The following TSPAN16 variants were observed in gnomAD, a reference collection of about 807,000 sequenced individuals.
TSPAN16 encodes tetraspanin-16.
Under a neutral mutation model 25.2 loss-of-function variants are expected in TSPAN16, and 23 were observed. The ratio of observed to expected loss-of-function variants is 0.91; its 90% CI spans 0.66 to 1.29. The LOEUF (loss-of-function observed/expected upper bound fraction) is 1.29. TSPAN16 is among the 50% of genes most tolerant of loss of function. The pLI is 0.00. For synonymous variants in TSPAN16, 123 were observed against 124.4 expected (o/e 0.99, Z 0.08); for missense variants, 272 against 299.9 (o/e 0.91, Z 0.69).
chr19:11,298,361 A>T (rs747622925), intron 2 of TSPAN16, 22 bp downstream of exon 2: 15 of 1,608,138 alleles, frequency 9.3e-6, no homozygotes, highest in Admixed American at 3.3e-5. Context: ...CTGCACACAG[A>T]CCCCAGAACT....
chr19:11,322,508 G>A (rs1190586875), intron 6 of TSPAN16: 1 of 152,114 alleles, frequency 6.6e-6, no homozygotes, highest in African/African-American at 2.4e-5. Context: ...AGCTGGAGAG[G>A]GGTTTTCCCA....
rs1332344738 is a variant in TSPAN16, at chr19:11,323,123, A to C, written c.688-3671A>C. The C allele has an allele frequency of 3.9e-5, 6 of 151,910 alleles. No individual in the cohort carries two copies. The East Asian group carries it at 7.8e-4, about 20-fold the overall frequency. 9.4% of individuals were successfully genotyped at this position (151,910 alleles called of 1,614,324 possible). A position where few individuals can be genotyped will look rare whatever the true frequency, so the allele number is the denominator to read the frequency against. On this transcript the variant is annotated intron_variant, in intron 6 of 6. Coordinates refer to the TSPAN16 transcript ENST00000316737. ...GACTCTCTGTCTTAAAAAAAAAAAA[A>C]ACAAAAAAACCTCAGCAGGCCATAC...
At chr19:11,301,159 T>A in intron 3 of TSPAN16, 42 bp from the exon 4 acceptor site, 1 of 1,556,744 alleles carries the variant, frequency 6.4e-7, no homozygotes, top group African/African-American at 1.4e-5. Flanking sequence ...CGGGCCACTC[T>A]TGCTAGTTGG....
At chr19:11,297,162 A>C (rs921474489) in intron 1 of TSPAN16, among the ~76,000 whole-genome samples, 1 of 152,126 alleles carries the variant, frequency 6.6e-6, no homozygotes, top group African/African-American at 2.4e-5. Context: ...TTCACTTGTA[A>C]CATTTTAAAG....
chr19:11,299,887 G>A (rs1299698475), intron 3 of TSPAN16, among the ~76,000 whole-genome samples: 11 of 151,024 alleles, frequency 7.3e-5, no homozygotes, highest in Non-Finnish European at 1.6e-4. Context: ...TGAGGCAGGA[G>A]AATCACTTGA....
intron 6 of TSPAN16, chr19:11,322,948 C>T (rs2080789059): frequency 6.6e-6 from 1 of 152,072 alleles, no homozygotes; most frequent in African/African-American, 2.4e-5. Context: ...ACCGTCGCTA[C>T]TAAAAATGCA....
intron 3 of TSPAN16, among the ~76,000 whole-genome samples, chr19:11,299,665 G>T (rs1364994873): frequency 1.3e-5 from 2 of 152,184 alleles, no homozygotes; most frequent in African/African-American, 4.8e-5. Flanking sequence ...TCACATTCAT[G>T]CCAGGGCATG....
rs1234487644 is a variant in TSPAN16, at chr19:11,298,280, C to T, written c.208C>T (p.Leu70=). 6.2e-7 allele frequency: 1 copy of T among 1,614,044 alleles called. No individual in the cohort carries two copies. Among genetic ancestry groups the T allele is most frequent in the Non-Finnish European group, 8.5e-7 (1 of 1,180,030 alleles). The change falls in exon 2 of 7, where the codon CTG becomes TTG. Residue 70 remains leucine (L), a synonymous_variant. Transcript: ENST00000590327. The part of the protein sequence containing the change: ...LCLVMGCITV[L]LGCAGWYGAT... Reference sequence around the variant, plus strand: ...CCTGGTGATGGGATGCATCACGGTACTGCTTGGCTGTGCCGGGTGGTATGG... The same window carrying T: ...CCTGGTGATGGGATGCATCACGGTATTGCTTGGCTGTGCCGGGTGGTATGG...
In TSPAN16 at chr19:11,298,122, T is replaced by C. The variant is rs2080499462; in HGVS notation, c.70-20T>C. The C allele has an allele frequency of 6.2e-7, 1 of 1,612,516 alleles. No homozygotes were observed. The highest frequency in any genetic ancestry group is 8.5e-7 in the Non-Finnish European group (1 of 1,178,732). ...CAACTAACAGATTACTTTTCTTCCT[T>C]TCTGGTTTCTGTTCTAAAGGTGTCT... On this transcript the variant is annotated intron_variant, in intron 1 of 6. Transcript: ENST00000590327.
At chr19:11,326,207 G>A (rs1023892198) in intron 6 of TSPAN16, among the ~76,000 whole-genome samples, 2 of 149,526 alleles carry the variant, frequency 1.3e-5, no homozygotes, top group African/African-American at 5.1e-5. Context: ...GGGCAACAGA[G>A]CGAGATTCTA....
Position 11,315,779 on chromosome 19 carries a change from C to T in TSPAN16, c.688-12C>T. 8.1e-7 allele frequency: 1 copy of T among 1,231,762 alleles called. No individual in the cohort carries two copies. Among genetic ancestry groups the T allele is most frequent in the Non-Finnish European group, 1.0e-6 (1 of 987,738 alleles). The allele number at this position is 1,231,762 out of a possible 1,614,324, so 76.3% of individuals were successfully genotyped here. ...AGCATTGGATCCATGTTTCTTTCTT[C>T]ACGCATTTCAGTTGCCAGGAATTCT... On this transcript the variant is annotated splice_polypyrimidine_tract_variant and intron_variant, in intron 6 of 6. Coordinates refer to ENST00000590327, the MANE Select transcript of TSPAN16 (RefSeq NM_001282509.2).
In TSPAN16 at chr19:11,296,380, A is replaced by G. The variant is rs201788153; in HGVS notation, c.69+14A>G. On this transcript the variant is annotated intron_variant, in intron 1 of 6. Coordinates refer to ENST00000590327, the MANE Select transcript of TSPAN16 (RefSeq NM_001282509.2). The stretch of plus-strand genomic sequence containing the variant: ...GGCTTCGTGGCTGTAAGTATGTCAC[A>G]ATCCAGGCCCCTGGTTTGTTGCAGC... 2.3e-4 allele frequency: 378 copies of G among 1,613,792 alleles called. No homozygotes were observed. The highest frequency in any genetic ancestry group is 2.2e-3 in the Admixed American group (133 of 59,992).
At chr19:11,301,150 G>C in intron 3 of TSPAN16, 51 bp from the exon 4 acceptor site, 15 of 1,490,542 alleles carry the variant, frequency 1.0e-5, no homozygotes, top group Non-Finnish European at 1.3e-5. Flanking sequence ...GCCAATGAAC[G>C]GGCCACTCTT....
At chr19:11,316,488 C>G (rs1389053295), downstream of TSPAN16, among the ~76,000 whole-genome samples, 8 of 152,150 alleles carry the variant, frequency 5.3e-5, no homozygotes, top group Non-Finnish European at 8.8e-5. Flanking sequence ...TCCAGAGAAA[C>G]ATACACATCA....
At chr19:11,310,099 A>G (rs1039644429) in intron 5 of TSPAN16, among the ~76,000 whole-genome samples, 15 of 151,654 alleles carry the variant, frequency 9.9e-5, no homozygotes, top group Non-Finnish European at 2.1e-4. Context: ...ACGAGACCCA[A>G]TCTAAGAAAA....
At chr19:11,321,458 G>A (rs2080779204) in intron 6 of TSPAN16, 1 of 152,216 alleles carries the variant, frequency 6.6e-6, no homozygotes, top group African/African-American at 2.4e-5. Flanking sequence ...TGACACGTGA[G>A]GATTATGGGG....
chr19:11,303,399 T>A lies in TSPAN16; in HGVS notation c.450+2091T>A, dbSNP rs368593213. On this transcript the variant is annotated intron_variant, in intron 4 of 6. Coordinates refer to ENST00000590327, the MANE Select transcript of TSPAN16 (RefSeq NM_001282509.2). ...TCGTCACCACTCCCTAATCTCAAGT[T>A]CCCAGGGACACAAACACTGCGGAAG... 1.5e-3 allele frequency among the ~76,000 whole-genome samples: 226 copies of A among 146,658 alleles called. 6 individuals carry two copies. The East Asian group carries it at 0.036, about 23-fold the overall frequency.
At chr19:11,319,602 C>T (rs1229419967), downstream of TSPAN16, among the ~76,000 whole-genome samples, 1 of 151,102 alleles carries the variant, frequency 6.6e-6, no homozygotes, top group Non-Finnish European at 1.5e-5. Context: ...TGTCTCAAAA[C>T]AAACAAAACA....
At chr19:11,305,195 GAGTC>G (rs1363380230) in intron 4 of TSPAN16, among the ~76,000 whole-genome samples, 1 of 152,074 alleles carries the variant, frequency 6.6e-6, no homozygotes, top group Non-Finnish European at 1.5e-5. Flanking sequence ...CACCTGCTAT[GAGTC>G]AGGCACTCTA....
Sources: gnomAD v4.1 joint callset for allele counts (sites outside exome capture counted in the v4.1 genomes callset) on GRCh38, gnomAD v4.1.1 for gene constraint, MANE v1.5 for transcripts, NCBI Gene and HGNC (gene_info 2026-07-23, HGNC 2026-07-21) for gene names.